GALNT13: variants seen among roughly 807,000 people sequenced by gnomAD.
GALNT13 encodes the protein polypeptide N-acetylgalactosaminyltransferase 13.
GALNT13 carries 28 observed loss-of-function variants against 64.2 expected under a neutral mutation model. The ratio of observed to expected loss-of-function variants is 0.44; its 90% confidence interval spans 0.32 to 0.60. GALNT13 has a LOEUF of 0.60. GALNT13 is among the 20% of genes least tolerant of loss of function. GALNT13 has a pLI of 0.05. For synonymous variants in GALNT13, 214 were observed against 224.6 expected, an observed-to-expected ratio of 0.95 and a Z score of 0.42; for missense variants, 577 against 669.8, an observed-to-expected ratio of 0.86 and a Z score of 1.53.
At chr2:153,257,950 C>T in the GALNT13 span, among the ~76,000 whole-genome samples, 50 of 152,142 alleles carry the variant, frequency 3.3e-4, no homozygotes, top group Non-Finnish European at 6.2e-4. Context: ...ATTCCCTGTA[C>T]AAGGTTCCTG....
chr2:153,225,152 T>C, the GALNT13 span, among the ~76,000 whole-genome samples: 4 of 152,184 alleles, frequency 2.6e-5, no homozygotes, highest in Non-Finnish European at 5.9e-5. Context: ...TTAATATTCA[T>C]TTCACAGATT....
chr2:154,019,602 CCACACACACA>C lies in GALNT13; in HGVS notation c.142+75006_142+75015del, dbSNP rs67316542. Among the ~76,000 whole-genome samples, 732 of 126,486 alleles carry C rather than the reference CCACACACACA, an allele frequency of 5.8e-3. 7 individuals carry two copies. Among genetic ancestry groups the C allele is most frequent in the African/African-American group, 0.014 (430 of 31,556 alleles). 83.0% of individuals were successfully genotyped at this position (126,486 alleles called of 152,430 possible). A position where few individuals can be genotyped will look rare whatever the true frequency, so the allele number is the denominator to read the frequency against. ...TCCAGCCTGGCCACAGAGTAAGACT[CCACACACACA>C]CACACACACACACACACACACACAC... is the stretch of plus-strand genomic sequence containing the variant. On this transcript the variant is annotated intron_variant, in intron 3 of 12. Transcript: ENST00000392825.
At chr2:153,350,418 T>C in the GALNT13 span, among the ~76,000 whole-genome samples, 21,014 of 146,336 alleles carry the variant, frequency 0.14, 1,569 homozygotes, top group Non-Finnish European at 0.16. Flanking sequence ...AGTTGCGTTC[T>C]GTTGCCGAGG....
the GALNT13 span, among the ~76,000 whole-genome samples, chr2:153,578,739 A>G: frequency 1.3e-5 from 2 of 152,208 alleles, no homozygotes; most frequent in African/African-American, 2.4e-5. Context: ...GCCGAGCAGT[A>G]TGAATGTTCT....
chr2:153,256,771 A>C, the GALNT13 span, among the ~76,000 whole-genome samples: 1 of 152,166 alleles, frequency 6.6e-6, no homozygotes, highest in Non-Finnish European at 1.5e-5. Context: ...CTCGGGGGTC[A>C]AGGGTCAGGG....
At chr2:154,155,201 TC>T (rs2105642679) in intron 4 of GALNT13, among the ~76,000 whole-genome samples, 1 of 152,188 alleles carries the variant, frequency 6.6e-6, no homozygotes, top group South Asian at 2.1e-4. Context: ...TTCTATTTCA[TC>T]TTTATGAAAT....
intron 8 of GALNT13, among the ~76,000 whole-genome samples, chr2:154,291,240 T>C (rs1692610277): frequency 1.3e-5 from 2 of 152,122 alleles, no homozygotes. Flanking sequence ...AGAGTGCTGA[T>C]TGGTGCATTT....
At chr2:154,394,072 C>A (rs866241760) in intron 9 of GALNT13, among the ~76,000 whole-genome samples, 3 of 22,508 alleles carry the variant, frequency 1.3e-4, no homozygotes, top group Admixed American at 6.6e-4. Flanking sequence ...AGCGAGACTC[C>A]GTCTCAAAAA....
At chr2:153,913,339 C>CAT (rs1285671676) in intron 2 of GALNT13, among the ~76,000 whole-genome samples, 1 of 152,028 alleles carries the variant, frequency 6.6e-6, no homozygotes, top group African/African-American at 2.4e-5. Flanking sequence ...TAGCAGGGTG[C>CAT]GTGCACACAC....
chr2:154,386,413 G>C (rs1238568767), intron 9 of GALNT13, among the ~76,000 whole-genome samples: 1 of 152,070 alleles, frequency 6.6e-6, no homozygotes, highest in Non-Finnish European at 1.5e-5. Context: ...GATCTGGTAA[G>C]TTTCAGTTCC....
At chr2:153,629,819 C>T in the GALNT13 span, among the ~76,000 whole-genome samples, 3 of 146,950 alleles carry the variant, frequency 2.0e-5, no homozygotes, top group Non-Finnish European at 4.5e-5. Flanking sequence ...CAAACAACCC[C>T]ATCAAAAAGT....
the GALNT13 span, among the ~76,000 whole-genome samples, chr2:153,100,773 A>G: frequency 6.6e-6 from 1 of 152,230 alleles, no homozygotes; most frequent in Non-Finnish European, 1.5e-5. Flanking sequence ...TCACGCCTGT[A>G]ATCCCAGCAC....
chr2:153,928,688 C>T (rs1323143478), intron 2 of GALNT13, among the ~76,000 whole-genome samples: 1 of 151,968 alleles, frequency 6.6e-6, no homozygotes, highest in Non-Finnish European at 1.5e-5. Context: ...TTTTGAGGCC[C>T]ATATATTCCT....
chr2:153,296,738 GA>G, the GALNT13 span, among the ~76,000 whole-genome samples: 5 of 152,082 alleles, frequency 3.3e-5, no homozygotes, highest in African/African-American at 1.2e-4. Context: ...ATAGAAAAGA[GA>G]AATAAATGTA....
chr2:153,123,517 G>A, the GALNT13 span, among the ~76,000 whole-genome samples: 1 of 152,160 alleles, frequency 6.6e-6, no homozygotes, highest in African/African-American at 2.4e-5. Flanking sequence ...TGGAAAGTTT[G>A]AATCAATAAA....
intron 8 of GALNT13, among the ~76,000 whole-genome samples, chr2:154,283,810 C>T (rs948832513): frequency 1.4e-4 from 22 of 151,958 alleles, no homozygotes; most frequent in Non-Finnish European, 2.9e-5. Flanking sequence ...ATTGAGAACT[C>T]AATGGGGTGA....
the GALNT13 span, among the ~76,000 whole-genome samples, chr2:153,213,247 G>T: frequency 1.2e-4 from 19 of 152,316 alleles, no homozygotes; most frequent in East Asian, 3.1e-3. Context: ...TCCCATGGGG[G>T]TTGTGGAATG....
At chr2:153,391,703 G>A in the GALNT13 span, among the ~76,000 whole-genome samples, 7 of 151,918 alleles carry the variant, frequency 4.6e-5, no homozygotes, top group Non-Finnish European at 1.0e-4. Context: ...GATGCTATGT[G>A]ACTCCCACCA....
chr2:154,024,955 C>G (rs1389547660), intron 3 of GALNT13, among the ~76,000 whole-genome samples: 1 of 152,148 alleles, frequency 6.6e-6, no homozygotes, highest in Non-Finnish European at 1.5e-5. Flanking sequence ...TGCTAGAGGT[C>G]CACTCCAGAC....
Sources: allele counts gnomAD v4.1 joint callset (sites outside exome capture counted in the v4.1 genomes callset), GRCh38; gene constraint gnomAD v4.1.1; transcripts MANE v1.5; gene names NCBI Gene and HGNC (gene_info 2026-07-23, HGNC 2026-07-21).